Variants in CEP131 observed in about 807,000 individuals in gnomAD.
CEP131 encodes centrosomal protein 131.
Under a neutral mutation model 136.8 loss-of-function variants are expected in CEP131, and 99 were observed. The observed-to-expected ratio is 0.72, with a 90% confidence interval of 0.62 to 0.86. The LOEUF is 0.86. Ranked by LOEUF, CEP131 falls within the 40% of genes least tolerant of loss-of-function variation. CEP131 has a pLI of 0.00. For missense variants in CEP131, 1,459 were observed against 1,463.0 expected (o/e 1.00, Z 0.04); for synonymous variants, 646 against 612.7 (o/e 1.05, Z -0.80).
intron 7 of CEP131, among the ~76,000 whole-genome samples, chr17:81,201,177 C>T (rs530060974): frequency 1.3e-5 from 2 of 152,350 alleles, no homozygotes; most frequent in South Asian, 2.1e-4. Context: ...AGCCCTAGCT[C>T]GGGAGCAGTC....
rs140654858 is a variant in CEP131, at chr17:81,215,092, A to G, written c.177+4788T>C. ...GCGCCTGGCCAAAAATTTACAATTT[A>G]GTTTTAATTTTAATTTTAAAAGATA... On this transcript the variant is annotated intron_variant, in intron 2 of 25. Transcript: ENST00000450824. The surrounding 1 kb of genome is among the most constrained non-coding windows in gnomAD (Gnocchi z 4.1). Among the ~76,000 whole-genome samples, 21 of 150,458 alleles carry G rather than the reference A, an allele frequency of 1.4e-4. No homozygotes were observed. The highest frequency in any genetic ancestry group is 3.0e-4 in the Non-Finnish European group (20 of 67,534).
At position 81,196,380 on chromosome 17, in the gene CEP131, G is replaced by A. The variant is rs1321244204; in HGVS notation, c.1899+321C>T. On this transcript the variant is annotated intron_variant, in intron 15 of 25. Transcript: ENST00000450824. ...TGACAACTATCAAGCAGCCCTGGAGGCCCCTATTCTCACACACCCCAGACC... is the reference window on the plus strand; with the variant it reads ...TGACAACTATCAAGCAGCCCTGGAGACCCCTATTCTCACACACCCCAGACC... Among the ~76,000 whole-genome samples the A allele has an allele frequency of 2.0e-5, 3 of 152,178 alleles. No homozygotes were observed. In the East Asian group the frequency reaches 5.8e-4, roughly 29 times the overall value.
chr17:81,192,772 G>T lies in CEP131; in HGVS notation c.2393C>A (p.Ala798Asp), dbSNP rs745896260. The change falls in exon 19 of 26, where the codon GCT becomes GAT. Residue 798 changes from alanine to aspartate, a missense_variant. Transcript: ENST00000450824. ...QQRQRLYSEV[A>D]EERERLGQQA... ...CTGGCCCAGCCGCTCCCTCTCCTCA[G>T]CCACCTCACTGTACAGCCGCTGCCG... The T allele has an allele frequency of 2.1e-5, 34 of 1,594,602 alleles. No individual in the cohort carries two copies. The highest frequency in any genetic ancestry group is 2.9e-5 in the Non-Finnish European group (34 of 1,175,904).
chr17:81,193,066 A>G (rs1193032301), intron 18 of CEP131, among the ~76,000 whole-genome samples: 1 of 152,184 alleles, frequency 6.6e-6, no homozygotes, highest in Non-Finnish European at 1.5e-5. Context: ...CAATTCCCTG[A>G]GCTCCAGGCC....
intron 8 of CEP131, 134 bp from the exon 9 acceptor site, chr17:81,199,969 C>A: frequency 1.1e-6 from 1 of 882,374 alleles, no homozygotes; most frequent in Admixed American, 1.9e-5. Flanking sequence ...GAAAGTGAAA[C>A]CCCACCAGGA....
rs745613456 is a variant in CEP131, at chr17:81,190,684, G to T, written c.3062C>A (p.Thr1021Lys). 1 of 1,603,758 alleles carries T rather than the reference G, an allele frequency of 6.2e-7. No homozygotes were observed. The highest frequency in any genetic ancestry group is 1.1e-5 in the South Asian group (1 of 90,356). ...CTCCAGCTGCTGGCGGGCCTGCAGC[G>T]TGGCCAGCTCGGCCTTGGCCTGCCG... ...ETRQAKAELA[T>K]LQARQQLELE... is the part of the protein sequence containing the mutation. The change falls in exon 24 of 26, where the codon ACG becomes AAG. Residue 1021 changes from threonine (T) to lysine (K), a missense_variant. By Grantham distance (78) the Thr-to-Lys change is moderately conservative. This residue lies in a region of CEP131 where 1,026 missense variants were observed against 964.2 expected (regional missense o/e 1.06). Coordinates refer to ENST00000450824, the MANE Select transcript of CEP131 (RefSeq NM_014984.4).
At chr17:81,192,685 G>GGCCCCCCCCC in intron 19 of CEP131, 51 bp downstream of exon 19, 1 of 478,438 alleles carries the variant, frequency 2.1e-6, no homozygotes, top group Non-Finnish European at 4.1e-6. Context: ...GGGGGGAGGG[G>GGCCCCCCCCC]TCAGCCAGCG....
Position 81,203,685 on chromosome 17 carries a change from A to AC in CEP131, c.516-79dup, listed in dbSNP as rs1157338384. ...GAGATCTCAGAGCTACACTCGCAGC[A>AC]CGGGCTGGGAGGGAACAAAGGCCTT... On this transcript the variant is annotated intron_variant, in intron 5 of 25. Coordinates refer to ENST00000450824, the MANE Select transcript of CEP131 (RefSeq NM_014984.4). This position sits in a 1 kb window ranked among gnomAD's most constrained non-coding sequence, Gnocchi z 4.6. 1.2e-4 allele frequency: 145 copies of AC among 1,186,432 alleles called. No homozygotes were observed. In the South Asian group the frequency reaches 1.5e-3, roughly 12 times the overall value. The allele number at this position is 1,186,432 out of a possible 1,614,324, so 73.5% of individuals were successfully genotyped here. A position where few individuals can be genotyped will look rare whatever the true frequency, so the allele number is the denominator to read the frequency against.
chr17:81,192,402 G>A lies in CEP131; in HGVS notation c.2548-10C>T, dbSNP rs368110005. On this transcript the variant is annotated splice_polypyrimidine_tract_variant and intron_variant, in intron 20 of 25. Coordinates refer to ENST00000450824, the MANE Select transcript of CEP131 (RefSeq NM_014984.4). The stretch of plus-strand genomic sequence containing the variant: ...GGGTATTCAGCTCCATCTGGGGGGC[G>A]GACATAAGAGGCCAGTCAGTCCCAC... 3.2e-4 allele frequency: 509 copies of A among 1,610,186 alleles called. 1 individual carries two copies. Among genetic ancestry groups the A allele is most frequent in the African/African-American group, 2.4e-3 (183 of 74,984 alleles).
chr17:81,191,512 G>A (rs897683395), intron 21 of CEP131, among the ~76,000 whole-genome samples, 177 bp from the exon 22 acceptor site: 4 of 152,160 alleles, frequency 2.6e-5, no homozygotes, highest in Admixed American at 6.5e-5. Flanking sequence ...GACCCAGTGT[G>A]GGCATAGGCG....
In CEP131 at chr17:81,214,021, G is replaced by T. The variant is rs140725129; in HGVS notation, c.178-4999C>A. 5.8e-4 allele frequency among the ~76,000 whole-genome samples: 89 copies of T among 152,272 alleles called. 1 individual carries two copies. The East Asian group carries it at 0.016, about 27-fold the overall frequency. On this transcript the variant is annotated intron_variant, in intron 2 of 25. Transcript: ENST00000450824. ...TCTGAGAAACTCACAGCCCAAACAA[G>T]CCTGAGACCCACAGCCCAAAAATCA...
At chr17:81,217,837 G>A (rs552164927) in intron 2 of CEP131, among the ~76,000 whole-genome samples, 1 of 152,168 alleles carries the variant, frequency 6.6e-6, no homozygotes, top group Non-Finnish European at 1.5e-5. Context: ...CCTCTACTCA[G>A]CAACAGAACA....
intron 18 of CEP131, among the ~76,000 whole-genome samples, 164 bp from the exon 19 acceptor site, chr17:81,193,007 C>G (rs1368234668): frequency 4.6e-5 from 7 of 152,238 alleles, no homozygotes; most frequent in Non-Finnish European, 1.0e-4. Flanking sequence ...AAAGCCACCG[C>G]CCGGGGGCAG....
chr17:81,203,768 G>C lies in CEP131; in HGVS notation c.516-161C>G, dbSNP rs1009591063. 1 of 602,226 alleles carries C rather than the reference G, an allele frequency of 1.7e-6. No individual in the cohort carries two copies. Among genetic ancestry groups the C allele is most frequent in the Non-Finnish European group, 2.9e-6 (1 of 341,434 alleles). The allele number at this position is 602,226 out of a possible 1,614,324, so 37.3% of individuals were successfully genotyped here. A position where few individuals can be genotyped will look rare whatever the true frequency, so the allele number is the denominator to read the frequency against. On this transcript the variant is annotated intron_variant, in intron 5 of 25. Transcript: ENST00000450824. This position sits in a 1 kb window ranked among gnomAD's most constrained non-coding sequence, Gnocchi z 4.6. ...CCAGTGTCCCCAGGCCCCTTCCACAGCCTGCGCCCTGATGATGGGGTTCTT... is the reference window on the plus strand; with the variant it reads ...CCAGTGTCCCCAGGCCCCTTCCACACCCTGCGCCCTGATGATGGGGTTCTT...
At chr17:81,211,510 A>C (rs1359284591) in intron 2 of CEP131, among the ~76,000 whole-genome samples, 1 of 152,242 alleles carries the variant, frequency 6.6e-6, no homozygotes, top group Non-Finnish European at 1.5e-5. Context: ...GAGACGCAGA[A>C]GGGGCAGCAG....
chr17:81,197,919 G>C (rs377079557), intron 12 of CEP131, 31 bp from the exon 13 acceptor site: 1 of 1,599,206 alleles, frequency 6.3e-7, no homozygotes, highest in East Asian at 2.2e-5. Context: ...ATCGGGGGCT[G>C]TCAGGGCAGC....
At chr17:81,198,086 T>C (rs2061805518) in intron 12 of CEP131, 29 bp downstream of exon 12, 2 of 1,527,580 alleles carry the variant, frequency 1.3e-6, no homozygotes, top group African/African-American at 1.4e-5. Flanking sequence ...GTGGACAGAC[T>C]GTGCAGGGCG....
At chr17:81,221,686 G>A (rs530787293) in intron 1 of CEP131, among the ~76,000 whole-genome samples, 5 of 152,270 alleles carry the variant, frequency 3.3e-5, no homozygotes, top group East Asian at 3.9e-4. Context: ...CTCCCCATCC[G>A]GCTCGGACTC....
rs1051769729 is a variant in CEP131, at chr17:81,189,905, A to G, written c.3168+10T>C. Reference sequence around the variant, plus strand: ...CCCGAGGTCCAGCAGGGCTGGCCACAGGGACTCACCTCATGTTGTGTCCGG... The same window carrying G: ...CCCGAGGTCCAGCAGGGCTGGCCACGGGGACTCACCTCATGTTGTGTCCGG... On this transcript the variant is annotated intron_variant, in intron 25 of 25. Transcript: ENST00000450824. The G allele has an allele frequency of 2.5e-6, 4 of 1,612,878 alleles. No individual in the cohort carries two copies. Among genetic ancestry groups the G allele is most frequent in the Non-Finnish European group, 3.4e-6 (4 of 1,179,714 alleles).
Sources: allele counts gnomAD v4.1 joint callset (sites outside exome capture counted in the v4.1 genomes callset), GRCh38; gene constraint gnomAD v4.1.1; regional missense constraint gnomAD v4.1.1; non-coding constraint Gnocchi (gnomAD v3.1); transcripts MANE v1.5; gene names NCBI Gene and HGNC (gene_info 2026-07-23, HGNC 2026-07-21).